The following MEF2A variants were observed in gnomAD, a reference collection of about 807,000 sequenced individuals.
MEF2A encodes myocyte-specific enhancer factor 2A.
A neutral mutation model predicts 55.8 loss-of-function variants in MEF2A; 28 were observed. That is an observed-to-expected ratio of 0.50 (90% CI 0.37 to 0.69). The LOEUF (loss-of-function observed/expected upper bound fraction) is 0.69. Among genes scored for constraint, MEF2A ranks in the 30% least tolerant of loss-of-function variants. The pLI, the probability that MEF2A is intolerant of heterozygous loss-of-function variation, is 0.00. For synonymous variants in MEF2A, 239 were observed against 227.1 expected, an observed-to-expected ratio of 1.05 and a Z score of -0.47; for missense variants, 528 against 626.2, an observed-to-expected ratio of 0.84 and a Z score of 1.67.
chr15:99,684,919 A>T (rs2053923264), intron 7 of MEF2A, among the ~76,000 whole-genome samples: 2 of 152,158 alleles, frequency 1.3e-5, no homozygotes, highest in Admixed American at 1.3e-4. Context: ...TGGCTTGCCT[A>T]TTATGCCAGC....
intron 2 of MEF2A, among the ~76,000 whole-genome samples, chr15:99,619,225 C>T (rs2040726868): frequency 6.6e-6 from 1 of 152,272 alleles, no homozygotes; most frequent in East Asian, 1.9e-4. Flanking sequence ...TTGGGGAGAG[C>T]CCTGGATCTA....
chr15:99,651,631 C>T (rs1596811588), intron 4 of MEF2A, among the ~76,000 whole-genome samples: 2 of 152,204 alleles, frequency 1.3e-5, no homozygotes, highest in East Asian at 3.8e-4. Flanking sequence ...TCATGGCTCT[C>T]CTCCGCTTCC....
At chr15:99,613,602 A>C (rs2039675590) in intron 2 of MEF2A, among the ~76,000 whole-genome samples, 1 of 152,062 alleles carries the variant, frequency 6.6e-6, no homozygotes, top group East Asian at 1.9e-4. Flanking sequence ...TAAGAAGCTC[A>C]AGTTCCTTTG....
chr15:99,663,539 T>C (rs1394507748), intron 4 of MEF2A, among the ~76,000 whole-genome samples: 3 of 151,864 alleles, frequency 2.0e-5, no homozygotes, highest in Non-Finnish European at 4.4e-5. Flanking sequence ...TATAAAACTT[T>C]TTATATTTTA....
At chr15:99,617,948 G>A (rs2040484627) in intron 2 of MEF2A, among the ~76,000 whole-genome samples, 1 of 152,056 alleles carries the variant, frequency 6.6e-6, no homozygotes, top group Non-Finnish European at 1.5e-5. Context: ...ACCTAACAGT[G>A]TTTATTTGTA....
intron 9 of MEF2A, 87 bp from the exon 10 acceptor site, chr15:99,706,640 CTG>C (rs1314412879): frequency 3.1e-5 from 44 of 1,439,010 alleles, no homozygotes; most frequent in East Asian, 2.3e-4. Context: ...TCATATGAAA[CTG>C]TGAAAAATGT....
chr15:99,591,952 G>A (rs563297498), intron 1 of MEF2A, among the ~76,000 whole-genome samples: 1 of 151,658 alleles, frequency 6.6e-6, no homozygotes, highest in African/African-American at 2.4e-5. Flanking sequence ...TTCTTTTATC[G>A]GATTTCCCCC....
At chr15:99,682,162 T>C (rs2053370358) in intron 7 of MEF2A, among the ~76,000 whole-genome samples, 1 of 152,186 alleles carries the variant, frequency 6.6e-6, no homozygotes, top group Admixed American at 6.5e-5. Flanking sequence ...ACAGAGTACT[T>C]GCCAGCTACT....
At position 99,674,579 on chromosome 15, in the gene MEF2A, G is replaced by A. The variant is rs890163554; in HGVS notation, c.577G>A (p.Ala193Thr). The part of the protein sequence containing the change: ...TTLHRNVSPG[A>T]PQRPPSTGNA... The stretch of plus-strand genomic sequence containing the variant: ...ATTACATAGAAATGTGTCTCCTGGA[G>A]CTCCTCAGAGACCACCAAGTACTGG... Residue 193 changes from alanine (A) to threonine (T), a missense_variant, in exon 6 of 12, where the codon GCT (alanine) becomes ACT (threonine). Ala to Thr is a moderately conservative substitution (Grantham distance 58, BLOSUM62 0). Coordinates refer to ENST00000557942, the MANE Select transcript of MEF2A (RefSeq NM_001319206.4). 3.1e-6 allele frequency: 5 copies of A among 1,613,800 alleles called. No individual in the cohort carries two copies. In the African/African-American group the frequency reaches 4.0e-5, roughly 13 times the overall value.
At chr15:99,632,808 T>C (rs1392519555) in intron 2 of MEF2A, among the ~76,000 whole-genome samples, 170 bp from the exon 3 acceptor site, 1 of 152,178 alleles carries the variant, frequency 6.6e-6, no homozygotes, top group East Asian at 1.9e-4. Context: ...TCAAGAGGTA[T>C]TTTAGGGGTA....
intron 8 of MEF2A, among the ~76,000 whole-genome samples, chr15:99,700,775 C>T (rs377301411): frequency 1.3e-5 from 2 of 152,050 alleles, no homozygotes; most frequent in African/African-American, 2.4e-5. Context: ...TCAAAAGTCA[C>T]GGGAGCTGGC....
At chr15:99,652,380 G>A (rs193004278) in intron 4 of MEF2A, among the ~76,000 whole-genome samples, 5 of 152,294 alleles carry the variant, frequency 3.3e-5, no homozygotes, top group Admixed American at 1.3e-4. Context: ...CAGAGCTCAG[G>A]CAGTAATGCT....
intron 2 of MEF2A, among the ~76,000 whole-genome samples, chr15:99,598,949 G>C (rs1416666341): frequency 6.6e-6 from 1 of 152,100 alleles, no homozygotes; most frequent in African/African-American, 2.4e-5. Context: ...TGAAGCATGG[G>C]AAAGGTCAAA....
At chr15:99,573,984 G>C (rs1963413775) in intron 1 of MEF2A, among the ~76,000 whole-genome samples, 1 of 151,984 alleles carries the variant, frequency 6.6e-6, no homozygotes, top group African/African-American at 2.4e-5. Context: ...TTAAGGTTTT[G>C]TTTTTGTTTT....
intron 3 of MEF2A, among the ~76,000 whole-genome samples, chr15:99,644,342 GGAAA>G (rs1567307876): frequency 4.6e-5 from 7 of 152,146 alleles, no homozygotes; most frequent in Non-Finnish European, 1.0e-4. Flanking sequence ...ATGCTACATA[GGAAA>G]TAGACTGAAA....
intron 1 of MEF2A, among the ~76,000 whole-genome samples, chr15:99,581,930 A>G (rs1173505212): frequency 6.6e-6 from 1 of 152,122 alleles, no homozygotes; most frequent in African/African-American, 2.4e-5. Context: ...GCCAAAACAG[A>G]AAAAGAAGAG....
intron 4 of MEF2A, among the ~76,000 whole-genome samples, chr15:99,661,044 A>G (rs2048531719): frequency 6.6e-6 from 1 of 152,212 alleles, no homozygotes; most frequent in African/African-American, 2.4e-5. Flanking sequence ...ACAAATACCA[A>G]ATGCCAAACG....
At position 99,671,681 on chromosome 15, in the gene MEF2A, G is replaced by A. The variant is rs201298712; in HGVS notation, c.390+227G>A. ...CAGTGAGTACTAAAGTATGGTTTGT[G>A]CTTTTATCTTGTGCATGAAGAGATT... On this transcript the variant is annotated intron_variant, in intron 5 of 11. Transcript: ENST00000557942. The A allele has an allele frequency of 5.7e-5, 88 of 1,539,440 alleles. 1 individual carries two copies. In the Admixed American group the frequency reaches 1.6e-3, roughly 28 times the overall value.
At chr15:99,645,512 C>G (rs2045822402) in intron 3 of MEF2A, 49 bp from the exon 4 acceptor site, 2 of 1,354,594 alleles carry the variant, frequency 1.5e-6, no homozygotes, top group African/African-American at 2.9e-5. Flanking sequence ...AGCCCATATT[C>G]AAGTACTACT....
Sources: allele counts gnomAD v4.1 joint callset (sites outside exome capture counted in the v4.1 genomes callset), GRCh38; gene constraint gnomAD v4.1.1; transcripts MANE v1.5; gene names NCBI Gene and HGNC (gene_info 2026-07-23, HGNC 2026-07-21).